PHACTR3: variants seen among roughly 807,000 people sequenced by gnomAD.
PHACTR3 encodes the protein protein phosphatase 1, regulatory subunit 123.
In PHACTR3, 16 loss-of-function variants were observed where a neutral mutation model predicts 66.8. The observed-to-expected ratio is 0.24, with a 90% confidence interval of 0.16 to 0.36. PHACTR3 has a LOEUF of 0.36. Ranked by LOEUF, PHACTR3 falls within the 10% of genes least tolerant of loss-of-function variation. PHACTR3 has a pLI of 1.00. For synonymous variants in PHACTR3, 323 were observed against 292.1 expected (o/e 1.11, Z -1.08); for missense variants, 647 against 719.9 (o/e 0.90, Z 1.16).
chr20:59,808,086 G>A (rs1191753401), intron 8 of PHACTR3, among the ~76,000 whole-genome samples: 1 of 152,204 alleles, frequency 6.6e-6, no homozygotes, highest in Non-Finnish European at 1.5e-5. Context: ...TCATGCCCCT[G>A]AGACAGAATG....
intron 1 of PHACTR3, chr20:59,628,528 G>A (rs538259040): frequency 4.0e-5 from 28 of 698,558 alleles, no homozygotes; most frequent in Non-Finnish European, 4.8e-5. Flanking sequence ...ATGGGGCCAC[G>A]TGCAGGCATT....
intron 1 of PHACTR3, among the ~76,000 whole-genome samples, chr20:59,701,633 C>T (rs1411471149): frequency 6.6e-6 from 1 of 152,146 alleles, no homozygotes; most frequent in Non-Finnish European, 1.5e-5. Flanking sequence ...AGTGAGTTCC[C>T]ATATACCTCC....
Position 59,605,105 on chromosome 20 carries a change from T to C in PHACTR3, c.91T>C (p.Ser31Pro), listed in dbSNP as rs1600897434. 1.5e-6 allele frequency: 2 copies of C among 1,316,704 alleles called. No homozygotes were observed. The highest frequency in any genetic ancestry group is 1.8e-5 in the South Asian group (1 of 56,544). 81.6% of individuals were successfully genotyped at this position (1,316,704 alleles called of 1,614,324 possible). The change falls in exon 1 of 13, where the codon TCC (serine) becomes CCC (proline). Residue 31 changes from serine to proline, a missense_variant. Physicochemically the swap from Ser to Pro is moderately conservative, Grantham distance 74. Coordinates refer to ENST00000371015, the MANE Select transcript of PHACTR3 (RefSeq NM_080672.5). ...CGTCCTCACCGACTCCTCGGCCACC[T>C]CCTCCGCGGACGCCGGGGAGAACCC... ...PSVLTDSSAT[S>P]SADAGENPDE...
chr20:59,773,296 C>G lies in PHACTR3; in HGVS notation c.769C>G (p.Gln257Glu), dbSNP rs772993307. The G allele has an allele frequency of 6.2e-7, 1 of 1,613,958 alleles. No individual in the cohort carries two copies. The highest frequency in any genetic ancestry group is 8.5e-7 in the Non-Finnish European group (1 of 1,179,900). Residue 257 changes from glutamine to glutamate, a missense_variant, in exon 6 of 13, where the codon CAA (glutamine) becomes GAA (glutamate). By Grantham distance (29) the Gln-to-Glu change is conservative. Coordinates refer to ENST00000371015, the MANE Select transcript of PHACTR3 (RefSeq NM_080672.5). ...KNVTGQATLFQASSMKSADPS... is the reference protein window; with the variant it reads ...KNVTGQATLFEASSMKSADPS... ...CACCCCAGGCCAAGCCACACTCTTCCAAGCCTCCAGCATGAAGAGTGCCGA... is the reference window on the plus strand; with the variant it reads ...CACCCCAGGCCAAGCCACACTCTTCGAAGCCTCCAGCATGAAGAGTGCCGA...
intron 7 of PHACTR3, among the ~76,000 whole-genome samples, chr20:59,789,168 G>A (rs531881337): frequency 1.3e-5 from 2 of 152,232 alleles, no homozygotes; most frequent in Admixed American, 6.5e-5. Flanking sequence ...GATCTCCCTG[G>A]TTTCTGGGGG....
intron 8 of PHACTR3, among the ~76,000 whole-genome samples, chr20:59,828,943 C>T (rs1245649365): frequency 6.6e-6 from 1 of 151,742 alleles, no homozygotes; most frequent in Non-Finnish European, 1.5e-5. Context: ...TGGAGAGAGG[C>T]AGATGGATGG....
At chr20:59,744,095 C>T (rs917473868) in intron 2 of PHACTR3, among the ~76,000 whole-genome samples, 9 of 152,330 alleles carry the variant, frequency 5.9e-5, no homozygotes, top group East Asian at 1.9e-4. Context: ...AGGCACATAA[C>T]GGCAGAACAC....
intron 1 of PHACTR3, among the ~76,000 whole-genome samples, chr20:59,589,848 T>C (rs189526395): frequency 1.8e-3 from 269 of 152,346 alleles, no homozygotes; most frequent in Admixed American, 3.2e-3. Context: ...GAAGAGGGTA[T>C]GGATTTGCTC....
chr20:59,623,607 T>C (rs1430689201), intron 1 of PHACTR3, among the ~76,000 whole-genome samples: 1 of 152,214 alleles, frequency 6.6e-6, no homozygotes, highest in Non-Finnish European at 1.5e-5. Flanking sequence ...TGCCTGGCTT[T>C]TCCCTCTTAA....
intron 1 of PHACTR3, among the ~76,000 whole-genome samples, chr20:59,624,422 G>A (rs955338342): frequency 6.6e-6 from 1 of 152,170 alleles, no homozygotes; most frequent in African/African-American, 2.4e-5. Context: ...CAGAGCTCCT[G>A]ACTTGACGCA....
chr20:59,813,571 A>G (rs1471180129), intron 8 of PHACTR3, among the ~76,000 whole-genome samples: 1 of 152,178 alleles, frequency 6.6e-6, no homozygotes, highest in Non-Finnish European at 1.5e-5. Context: ...CACAGGTGAT[A>G]AATTATTGTG....
rs765980434 is a variant in PHACTR3, at chr20:59,755,285, C to T, written c.462C>T (p.Pro154=). ...SETLTSEDAQ[P]GSPLATGTDQ... ...CGCTGACTTCAGAAGATGCCCAGCC[C>T]GGAAGCCCCTTGGCCACTGGGACGG... The change falls in exon 4 of 13, where the codon CCC becomes CCT. Residue 154 remains proline (P), a synonymous_variant. Coordinates refer to ENST00000371015, the MANE Select transcript of PHACTR3 (RefSeq NM_080672.5). The T allele has an allele frequency of 5.8e-5, 93 of 1,613,472 alleles. 1 individual carries two copies. In the South Asian group the frequency reaches 9.0e-4, roughly 16 times the overall value.
intron 1 of PHACTR3, among the ~76,000 whole-genome samples, chr20:59,594,818 G>A (rs2033278119): frequency 6.6e-6 from 1 of 151,802 alleles, no homozygotes; most frequent in Non-Finnish European, 1.5e-5. Context: ...TATTAATTTT[G>A]TATCTGCTTG....
chr20:59,619,974 G>C (rs1448370305), intron 1 of PHACTR3, among the ~76,000 whole-genome samples: 1 of 152,110 alleles, frequency 6.6e-6, no homozygotes, highest in Non-Finnish European at 1.5e-5. Context: ...CTGTGAAAGT[G>C]TCAGGGCCCT....
chr20:59,691,799 G>T lies in PHACTR3; in HGVS notation c.119-51308G>T, dbSNP rs1601116090. On this transcript the variant is annotated intron_variant, in intron 1 of 12. Coordinates refer to ENST00000371015, the MANE Select transcript of PHACTR3 (RefSeq NM_080672.5). ...CTGGAGAGGATATGATTTTATCAAA[G>T]TGATGCTGTGAGTTTATGGCAGTGA... 2.0e-5 allele frequency among the ~76,000 whole-genome samples: 3 copies of T among 152,282 alleles called. No homozygotes were observed. The South Asian group carries it at 6.2e-4, about 32-fold the overall frequency.
rs117229101 is a variant in PHACTR3, at chr20:59,608,112, A to C, written c.118+2980A>C. 5.3e-3 allele frequency among the ~76,000 whole-genome samples: 811 copies of C among 152,274 alleles called. 4 individuals carry two copies. Among genetic ancestry groups the C allele is most frequent in the Non-Finnish European group, 7.5e-3 (509 of 68,022 alleles). ...ACCCTTGCCAACACCTGAGATCATCAATCTATTTTTCTCTAGCATGAAGGG... is the reference window on the plus strand; with the variant it reads ...ACCCTTGCCAACACCTGAGATCATCCATCTATTTTTCTCTAGCATGAAGGG... On this transcript the variant is annotated intron_variant, in intron 1 of 12. Transcript: ENST00000371015.
intron 5 of PHACTR3, among the ~76,000 whole-genome samples, chr20:59,770,184 C>T (rs567902341): frequency 7.7e-4 from 117 of 152,326 alleles, no homozygotes; most frequent in African/African-American, 2.6e-3. Context: ...TCCGCCCTGC[C>T]CTCAGTTGCA....
At chr20:59,605,154 GCGGGCGGGT>G in intron 1 of PHACTR3, 22 bp downstream of exon 1, 1 of 1,282,854 alleles carries the variant, frequency 7.8e-7, no homozygotes, top group Non-Finnish European at 1.0e-6. Flanking sequence ...GGCGGGGGCG[GCGGGCGGGT>G]CGGGGAGGCC....
intron 1 of PHACTR3, among the ~76,000 whole-genome samples, chr20:59,700,503 G>A (rs2037462102): frequency 6.6e-6 from 1 of 152,166 alleles, no homozygotes; most frequent in South Asian, 2.1e-4. Flanking sequence ...AAAAATTAAT[G>A]GCAGCACTGT....
Sources: allele counts gnomAD v4.1 joint callset (sites outside exome capture counted in the v4.1 genomes callset), GRCh38; gene constraint gnomAD v4.1.1; transcripts MANE v1.5; gene names NCBI Gene and HGNC (gene_info 2026-07-23, HGNC 2026-07-21).